PAX5: variants seen among roughly 807,000 people sequenced by gnomAD.
PAX5 encodes paired box 5.
Under a neutral mutation model 43.7 loss-of-function variants are expected in PAX5, and 9 were observed. The observed-to-expected ratio is 0.21, with a 90% CI of 0.12 to 0.36. The LOEUF is 0.36. Among genes scored for constraint, PAX5 ranks in the 10% least tolerant of loss-of-function variants. The pLI, the probability that PAX5 is intolerant of heterozygous loss-of-function variation, is 1.00. For missense variants in PAX5, 383 were observed against 532.7 expected (o/e 0.72, Z 2.77); for synonymous variants, 228 against 214.3 (o/e 1.06, Z -0.56).
chr9:36,933,308 G>A lies in PAX5; in HGVS notation c.781-9824C>T, dbSNP rs1393171270. On this transcript the variant is annotated intron_variant, in intron 6 of 9. Transcript: ENST00000358127. ...AACGCAAGAAGCCAAGGACAGCCAG[G>A]AGCTTACTCTCTCGCCTCCTCTTCC... Among the ~76,000 whole-genome samples, 3 of 152,142 alleles carry A rather than the reference G, an allele frequency of 2.0e-5. No homozygotes were observed. The East Asian group carries it at 5.8e-4, about 29-fold the overall frequency.
intron 5 of PAX5, 131 bp from the exon 6 acceptor site, chr9:36,966,855 G>T: frequency 1.3e-6 from 1 of 771,798 alleles, no homozygotes; most frequent in Non-Finnish European, 2.1e-6. Flanking sequence ...ACACCAGCAG[G>T]GGCTCAGGTA....
At chr9:36,904,584 AT>A (rs1174143897) in intron 7 of PAX5, among the ~76,000 whole-genome samples, 1 of 151,394 alleles carries the variant, frequency 6.6e-6, no homozygotes, top group Non-Finnish European at 1.5e-5. Context: ...TTAGAGAGAG[AT>A]TTTTTTCCTG....
At chr9:36,897,070 C>T (rs926108758) in intron 7 of PAX5, among the ~76,000 whole-genome samples, 1 of 152,130 alleles carries the variant, frequency 6.6e-6, no homozygotes, top group Admixed American at 6.5e-5. Flanking sequence ...GAAGGAGATT[C>T]GGGCTGAGTT....
At chr9:36,942,441 T>C (rs1832127071) in intron 6 of PAX5, among the ~76,000 whole-genome samples, 1 of 152,256 alleles carries the variant, frequency 6.6e-6, no homozygotes, top group Admixed American at 6.5e-5. Flanking sequence ...ACAGAAGCGT[T>C]CACAGTGATC....
chr9:36,941,065 A>G (rs1289090345), intron 6 of PAX5, among the ~76,000 whole-genome samples: 1 of 152,204 alleles, frequency 6.6e-6, no homozygotes, highest in Non-Finnish European at 1.5e-5. Context: ...ACGCTAAACC[A>G]TATTGGAAGG....
intron 1 of PAX5, among the ~76,000 whole-genome samples, chr9:37,022,104 T>G (rs1277446878): frequency 6.6e-6 from 1 of 152,178 alleles, no homozygotes; most frequent in Non-Finnish European, 1.5e-5. Context: ...CTAAAAACTG[T>G]CCAAGCAATC....
intron 6 of PAX5, among the ~76,000 whole-genome samples, chr9:36,939,199 T>G (rs1349488690): frequency 6.6e-6 from 1 of 152,162 alleles, no homozygotes; most frequent in Non-Finnish European, 1.5e-5. Context: ...CACCCTTTCT[T>G]TCTTAAAATA....
At chr9:36,936,840 A>G (rs1411556176) in intron 6 of PAX5, among the ~76,000 whole-genome samples, 1 of 97,442 alleles carries the variant, frequency 1.0e-5, no homozygotes, top group Non-Finnish European at 2.3e-5. Flanking sequence ...GCACACACAC[A>G]CACACACATG....
At chr9:36,926,800 CA>C (rs1830676597) in intron 6 of PAX5, among the ~76,000 whole-genome samples, 1 of 152,186 alleles carries the variant, frequency 6.6e-6, no homozygotes, top group Admixed American at 6.5e-5. Flanking sequence ...TTGTGTGCAA[CA>C]TGATGTGTGA....
At chr9:36,971,244 G>T (rs1834905254) in intron 5 of PAX5, among the ~76,000 whole-genome samples, 1 of 152,232 alleles carries the variant, frequency 6.6e-6, no homozygotes, top group East Asian at 1.9e-4. Flanking sequence ...TGACTGAAAA[G>T]GCGCATGGTC....
intron 1 of PAX5, among the ~76,000 whole-genome samples, chr9:37,028,027 T>A (rs1034874086): frequency 1.8e-4 from 28 of 152,102 alleles, no homozygotes; most frequent in African/African-American, 6.5e-4. Context: ...GGGCTGGACC[T>A]CCCCACAGCG....
At chr9:36,947,231 T>C (rs1832604962) in intron 6 of PAX5, among the ~76,000 whole-genome samples, 1 of 152,046 alleles carries the variant, frequency 6.6e-6, no homozygotes, top group African/African-American at 2.4e-5. Context: ...TACTCCAACA[T>C]CCAAAGTGAC....
chr9:36,853,463 A>G lies in PAX5; in HGVS notation c.1013-6534T>C, dbSNP rs548177280. On this transcript the variant is annotated intron_variant, in intron 8 of 9. Coordinates refer to ENST00000358127, the MANE Select transcript of PAX5 (RefSeq NM_016734.3). The stretch of plus-strand genomic sequence containing the variant: ...AACTGAGTCATCCCTCCATGAACAT[A>G]GAGCTCTGAGGTTAGCACTGACAGC... Among the ~76,000 whole-genome samples the G allele has an allele frequency of 1.8e-4, 28 of 152,248 alleles. 1 individual carries two copies. In the South Asian group the frequency reaches 5.4e-3, roughly 29 times the overall value.
chr9:36,977,216 G>A (rs1358575425), intron 5 of PAX5, among the ~76,000 whole-genome samples: 3 of 148,448 alleles, frequency 2.0e-5, no homozygotes, highest in Admixed American at 6.9e-5. Context: ...ACCCTAAGAT[G>A]TCAAGTCTGT....
At chr9:36,969,303 G>A (rs543297931) in intron 5 of PAX5, among the ~76,000 whole-genome samples, 1 of 152,236 alleles carries the variant, frequency 6.6e-6, no homozygotes, top group South Asian at 2.1e-4. Context: ...CCCCTCTAGG[G>A]GGCGTCTCTT....
intron 6 of PAX5, among the ~76,000 whole-genome samples, chr9:36,926,170 G>A (rs944451501): frequency 3.3e-5 from 5 of 152,176 alleles, no homozygotes; most frequent in African/African-American, 1.2e-4. Context: ...GCCCAAGCCA[G>A]GATTCAAACC....
chr9:36,961,629 G>C (rs1170945779), intron 6 of PAX5, among the ~76,000 whole-genome samples: 2 of 152,232 alleles, frequency 1.3e-5, no homozygotes, highest in East Asian at 3.9e-4. Context: ...AGGCTCAAAA[G>C]CCAGATTAAT....
intron 7 of PAX5, chr9:36,922,970 G>A (rs1325282809): frequency 5.3e-6 from 1 of 189,402 alleles, no homozygotes; most frequent in Non-Finnish European, 1.1e-5. Flanking sequence ...ACATCAATCT[G>A]CAAGGAATCC....
intron 1 of PAX5, among the ~76,000 whole-genome samples, chr9:37,022,747 T>A (rs1839961838): frequency 6.6e-6 from 1 of 152,232 alleles, no homozygotes; most frequent in African/African-American, 2.4e-5. Flanking sequence ...GAGCCAGGTC[T>A]CTCAAGGTGA....
Sources: allele counts gnomAD v4.1 joint callset (sites outside exome capture counted in the v4.1 genomes callset), GRCh38; gene constraint gnomAD v4.1.1; transcripts MANE v1.5; gene names NCBI Gene and HGNC (gene_info 2026-07-23, HGNC 2026-07-21).